Variants in WASF3 observed in about 807,000 individuals in gnomAD.
The protein encoded by WASF3 is actin-binding protein WASF3.
A neutral mutation model predicts 46.6 loss-of-function variants in WASF3; 11 were observed. The ratio of observed to expected loss-of-function variants is 0.24; its 90% CI spans 0.15 to 0.39. WASF3 has a LOEUF of 0.39. Ranked by LOEUF, WASF3 falls within the 10% of genes least tolerant of loss-of-function variation. The probability of loss-of-function intolerance (pLI) is 1.00; values close to 1 mark genes in which losing one functional copy is unlikely to be tolerated. For synonymous variants in WASF3, 242 were observed against 259.7 expected (o/e 0.93, Z 0.65); for missense variants, 576 against 669.8 (o/e 0.86, Z 1.55).
chr13:26,675,481 TACACACACACACACAC>T (rs56162218), intron 6 of WASF3, among the ~76,000 whole-genome samples: 2,882 of 145,762 alleles, frequency 0.02, 47 homozygotes, highest in African/African-American at 0.048. Context: ...TAGACACACA[TACACACACACACACAC>T]ACACACACAC....
chr13:26,657,107 A>G (rs562269487), intron 3 of WASF3, among the ~76,000 whole-genome samples: 39 of 152,198 alleles, frequency 2.6e-4, no homozygotes, highest in Non-Finnish European at 3.8e-4. Context: ...AGACAAAGTA[A>G]CAAAAGTAAG....
At position 26,682,641 on chromosome 13, in the gene WASF3, C is replaced by T. The variant is rs749704370; in HGVS notation, c.1018C>T (p.Pro340Ser). ...AGCGCAGATAATTGAGTATTACAACCCATCCGGACCACCTCCTCCGCCACC... is the reference window on the plus strand; with the variant it reads ...AGCGCAGATAATTGAGTATTACAACTCATCCGGACCACCTCCTCCGCCACC... Reference protein sequence around the residue: ...LPAQIIEYYNPSGPPPPPPPP... With the variant: ...LPAQIIEYYNSSGPPPPPPPP... Residue 340 changes from proline to serine, a missense_variant, in exon 9 of 10, where the codon CCA becomes TCA. Physicochemically the swap from Pro to Ser is moderately conservative, Grantham distance 74. This residue lies in a region of WASF3 where 295 missense variants were observed against 291.5 expected (regional missense o/e 1.01). Transcript: ENST00000335327. The surrounding 1 kb of genome is among the most constrained non-coding windows in gnomAD (Gnocchi z 4.4). 49 of 1,614,060 alleles carry T rather than the reference C, an allele frequency of 3.0e-5. No individual in the cohort carries two copies. Among genetic ancestry groups the T allele is most frequent in the Non-Finnish European group, 4.2e-5 (49 of 1,180,038 alleles).
At position 26,682,586 on chromosome 13, in the gene WASF3, T is replaced by C. The variant is rs1883263542; in HGVS notation, c.984-21T>C. 1.2e-6 allele frequency: 2 copies of C among 1,613,982 alleles called. No homozygotes were observed. Among genetic ancestry groups the C allele is most frequent in the Non-Finnish European group, 1.7e-6 (2 of 1,179,966 alleles). ...CCCTCTCTTGTTCCCTTGGTGACTA[T>C]GTGCCTCATATCTCTCTCAGGATGC... is the stretch of plus-strand genomic sequence containing the variant. On this transcript the variant is annotated intron_variant, in intron 8 of 9. Transcript: ENST00000335327. This position sits in a 1 kb window ranked among gnomAD's most constrained non-coding sequence, Gnocchi z 4.4.
chr13:26,658,750 A>G (rs147326566), intron 3 of WASF3, among the ~76,000 whole-genome samples: 344 of 152,338 alleles, frequency 2.3e-3, no homozygotes, highest in African/African-American at 7.4e-3. Flanking sequence ...GCTTAGATGA[A>G]TGAAGGCAAG....
intron 1 of WASF3, among the ~76,000 whole-genome samples, chr13:26,566,600 C>T (rs571299474): frequency 2.6e-5 from 4 of 152,300 alleles, no homozygotes; most frequent in African/African-American, 9.6e-5. Context: ...CATGGCTGTT[C>T]AGGTGGTCAG....
chr13:26,557,716 C>T lies in WASF3; in HGVS notation c.-212C>T, dbSNP rs1469013191. The T allele has an allele frequency of 5.4e-6, 1 of 184,362 alleles. No individual in the cohort carries two copies. The highest frequency in any genetic ancestry group is 1.1e-5 in the Non-Finnish European group (1 of 90,492). The allele number at this position is 184,362 out of a possible 1,614,324, so 11.4% of individuals were successfully genotyped here. A position where few individuals can be genotyped will look rare whatever the true frequency, so the allele number is the denominator to read the frequency against. On this transcript the variant is annotated 5_prime_UTR_variant, in exon 1 of 10. Transcript: ENST00000335327. The stretch of plus-strand genomic sequence containing the variant: ...GCCGGAGGCGGCGTCGCTCGCGCCG[C>T]TGCGTGCGGTGTGGTGCGAGGCGGG...
intron 3 of WASF3, among the ~76,000 whole-genome samples, chr13:26,645,592 C>T (rs1289700995): frequency 6.6e-6 from 1 of 151,910 alleles, no homozygotes; most frequent in Non-Finnish European, 1.5e-5. Flanking sequence ...AGTAGTCTTC[C>T]TTAAAAGATG....
chr13:26,564,680 T>C (rs1879402960), intron 1 of WASF3, among the ~76,000 whole-genome samples: 1 of 152,226 alleles, frequency 6.6e-6, no homozygotes, highest in African/African-American at 2.4e-5. Context: ...GCCATTATTT[T>C]ATCAGCTAAA....
Position 26,665,134 on chromosome 13 carries a change from C to T in WASF3, c.240C>T (p.Val80=). Reference sequence around the variant, plus strand: ...GAATTGATCGCCTTGCTGTCAAAGTCACCCAGCTGGATTCAACAGTGGAAG... The same window carrying T: ...GAATTGATCGCCTTGCTGTCAAAGTTACCCAGCTGGATTCAACAGTGGAAG... ...QDRIDRLAVK[V]TQLDSTVEEV... Residue 80 remains valine, a synonymous_variant, in exon 4 of 10, where the codon GTC becomes GTT. Coordinates refer to ENST00000335327, the MANE Select transcript of WASF3 (RefSeq NM_006646.6). 2 of 1,614,064 alleles carry T rather than the reference C, an allele frequency of 1.2e-6. No individual in the cohort carries two copies. Among genetic ancestry groups the T allele is most frequent in the Non-Finnish European group, 8.5e-7 (1 of 1,179,992 alleles).
In WASF3 at chr13:26,660,194, G is replaced by GTTTTTTTTTT. The variant is rs71080285; in HGVS notation, c.134-4808_134-4799dup. On this transcript the variant is annotated intron_variant, in intron 3 of 9. Coordinates refer to ENST00000335327, the MANE Select transcript of WASF3 (RefSeq NM_006646.6). ...GTAATTAGCTTTTGTTTTTTGTTTG[G>GTTTTTTTTTT]TTTTTTTTTTTTTTTTTTTTTTTTT... Among the ~76,000 whole-genome samples, 14 of 43,376 alleles carry GTTTTTTTTTT rather than the reference G, an allele frequency of 3.2e-4. 1 individual carries two copies. Among genetic ancestry groups the GTTTTTTTTTT allele is most frequent in the African/African-American group, 9.7e-4 (13 of 13,450 alleles). The allele number at this position is 43,376 out of a possible 152,430, so 28.5% of individuals were successfully genotyped here. A position where few individuals can be genotyped will look rare whatever the true frequency, so the allele number is the denominator to read the frequency against.
chr13:26,557,480 A>T (rs1879126078), upstream of WASF3, among the ~76,000 whole-genome samples: 1 of 150,608 alleles, frequency 6.6e-6, no homozygotes, highest in Non-Finnish European at 1.5e-5. Flanking sequence ...GGGGCGGAGG[A>T]CCAAGGGTGA....
At position 26,585,979 on chromosome 13, in the gene WASF3, T is replaced by TA. The variant is rs574956329; in HGVS notation, c.-108-26981dup. Among the ~76,000 whole-genome samples, 67 of 152,272 alleles carry TA rather than the reference T, an allele frequency of 4.4e-4. No individual in the cohort carries two copies. The East Asian group carries it at 0.01, about 24-fold the overall frequency. On this transcript the variant is annotated intron_variant, in intron 1 of 9. Transcript: ENST00000335327. ...CTGTTAGATGACTTGATTTTTACTG[T>TA]ATTAAAAGCTTCCTTTCCAGTGATT... is the stretch of plus-strand genomic sequence containing the variant.
intron 3 of WASF3, among the ~76,000 whole-genome samples, chr13:26,653,992 A>T (rs527980078): frequency 6.6e-6 from 1 of 152,088 alleles, no homozygotes; most frequent in African/African-American, 2.4e-5. Context: ...TTTCTCTCCT[A>T]TCAGAGACAT....
intron 1 of WASF3, among the ~76,000 whole-genome samples, chr13:26,575,930 G>C (rs1879783698): frequency 6.6e-6 from 1 of 152,030 alleles, no homozygotes; most frequent in South Asian, 2.1e-4. Context: ...GTTTGTTCTT[G>C]GTCAGTTTTC....
At chr13:26,605,488 G>T (rs985948550) in intron 1 of WASF3, among the ~76,000 whole-genome samples, 1 of 151,852 alleles carries the variant, frequency 6.6e-6, no homozygotes, top group Non-Finnish European at 1.5e-5. Context: ...AGATTAGGAA[G>T]ATGCATTTTT....
intron 1 of WASF3, among the ~76,000 whole-genome samples, chr13:26,574,998 G>A (rs534454651): frequency 2.6e-5 from 4 of 152,040 alleles, no homozygotes; most frequent in Admixed American, 1.3e-4. Context: ...CACCACGCCC[G>A]GCTAATTTTT....
At chr13:26,596,889 G>A (rs543073617) in intron 1 of WASF3, among the ~76,000 whole-genome samples, 42 of 152,242 alleles carry the variant, frequency 2.8e-4, no homozygotes, top group African/African-American at 9.9e-4. Context: ...CATCGAATGA[G>A]TTCTTTCTTT....
At chr13:26,548,550 T>A in the WASF3 span, among the ~76,000 whole-genome samples, 1 of 152,206 alleles carries the variant, frequency 6.6e-6, no homozygotes, top group African/African-American at 2.4e-5. Context: ...ACACAGAAGC[T>A]CTGCATTTGC....
intron 1 of WASF3, among the ~76,000 whole-genome samples, chr13:26,563,654 CAAAAAAAAAA>C (rs34374716): frequency 4.3e-5 from 2 of 47,030 alleles, no homozygotes; most frequent in African/African-American, 1.7e-4. Context: ...GACTCCATCT[CAAAAAAAAAA>C]AAAAAAAAAA....
Sources: allele counts gnomAD v4.1 joint callset (sites outside exome capture counted in the v4.1 genomes callset), GRCh38; gene constraint gnomAD v4.1.1; regional missense constraint gnomAD v4.1.1; non-coding constraint Gnocchi (gnomAD v3.1); transcripts MANE v1.5; gene names NCBI Gene and HGNC (gene_info 2026-07-23, HGNC 2026-07-21).